Variants in RCC1L observed in about 807,000 individuals in gnomAD.
RCC1L encodes the protein RCC1 like, also known as RCC1-like G exchanging factor-like protein.
A neutral mutation model predicts 58.6 loss-of-function variants in RCC1L; 46 were observed. The ratio of observed to expected loss-of-function variants is 0.79; its 90% confidence interval spans 0.62 to 1.00. The LOEUF is 1.00. Ranked by LOEUF, RCC1L falls within the 50% of genes least tolerant of loss-of-function variation. RCC1L has a pLI of 0.00. For synonymous variants in RCC1L, 281 were observed against 262.9 expected (o/e 1.07, Z -0.67); for missense variants, 636 against 623.6 (o/e 1.02, Z -0.21).
At chr7:75,065,471 C>A (rs1429894892) in intron 3 of RCC1L, among the ~76,000 whole-genome samples, 1 of 152,104 alleles carries the variant, frequency 6.6e-6, no homozygotes, top group African/African-American at 2.4e-5. Context: ...AGGAGAATCA[C>A]CTGAACCCAG....
downstream of RCC1L, among the ~76,000 whole-genome samples, chr7:75,041,863 CAAAAAAAAAA>C (rs1201913828): frequency 3.3e-4 from 21 of 64,512 alleles, no homozygotes; most frequent in South Asian, 0.013. Flanking sequence ...GACTCTGTCT[CAAAAAAAAAA>C]AAAAAAAAAG....
chr7:75,043,706 T>C (rs1484535665), intron 10 of RCC1L, among the ~76,000 whole-genome samples: 1 of 152,050 alleles, frequency 6.6e-6, no homozygotes, highest in East Asian at 1.9e-4. Flanking sequence ...TCCCAGCTAC[T>C]CGGGAGGCTG....
chr7:75,068,320 C>A (rs1469060965), intron 2 of RCC1L, among the ~76,000 whole-genome samples: 458 of 114,320 alleles, frequency 4.0e-3, no homozygotes, highest in Middle Eastern at 5.3e-3. Flanking sequence ...AACTCTGACT[C>A]AAAAAAAAAA....
chr7:75,057,974 A>G, intron 7 of RCC1L: 7 of 340,536 alleles, frequency 2.1e-5, no homozygotes, highest in South Asian at 1.6e-4. Context: ...CCTGGCCAAC[A>G]TGGTGAAACC....
At chr7:75,039,500 T>A (rs1805499647), downstream of RCC1L, among the ~76,000 whole-genome samples, 1 of 152,204 alleles carries the variant, frequency 6.6e-6, no homozygotes, top group African/African-American at 2.4e-5. Context: ...GTGAAGGGTT[T>A]TCATGCCAGT....
At chr7:75,044,513 C>T (rs993174914) in intron 10 of RCC1L, among the ~76,000 whole-genome samples, 10 of 142,604 alleles carry the variant, frequency 7.0e-5, no homozygotes, top group South Asian at 4.7e-4. Context: ...GCAGGAGAAT[C>T]GCTTGAACCT....
chr7:75,035,298 T>A (rs1479567178), intron 10 of RCC1L, among the ~76,000 whole-genome samples: 3 of 152,160 alleles, frequency 2.0e-5, no homozygotes, highest in Admixed American at 1.3e-4. Flanking sequence ...CCCAAAGTAC[T>A]GGGATTACAG....
At chr7:75,031,315 C>T (rs1468653874) in intron 10 of RCC1L, among the ~76,000 whole-genome samples, 5 of 152,222 alleles carry the variant, frequency 3.3e-5, no homozygotes, top group African/African-American at 7.2e-5. Context: ...GCAGCAGCGG[C>T]GTTCCATCGC....
chr7:75,044,641 C>A (rs1413128532), intron 10 of RCC1L, among the ~76,000 whole-genome samples: 1 of 150,818 alleles, frequency 6.6e-6, no homozygotes, highest in Non-Finnish European at 1.5e-5. Flanking sequence ...ATTACCACAC[C>A]TATCACCAGC....
chr7:75,066,545 C>A, intron 3 of RCC1L, 119 bp downstream of exon 3: 4 of 1,387,448 alleles, frequency 2.9e-6, no homozygotes, highest in Non-Finnish European at 4.0e-6. Flanking sequence ...CAGGAAATAC[C>A]ACATTTCACT....
chr7:75,050,738 A>G (rs1805879006), intron 10 of RCC1L, among the ~76,000 whole-genome samples: 1 of 152,150 alleles, frequency 6.6e-6, no homozygotes, highest in Non-Finnish European at 1.5e-5. Flanking sequence ...CAGGCTCAGG[A>G]GAAAGCCGGC....
At position 75,043,252 on chromosome 7, in the gene RCC1L, G is replaced by GCAGGAGACAGC. The variant is rs1805620342; in HGVS notation, c.1318-144_1318-143insGCTGTCTCCTG. 1.1e-4 allele frequency: 110 copies of GCAGGAGACAGC among 977,086 alleles called. No individual in the cohort carries two copies. The African/African-American group carries it at 1.5e-3, about 13-fold the overall frequency. The allele number at this position is 977,086 out of a possible 1,614,324, so 60.5% of individuals were successfully genotyped here. ...TCTCAGCAGGAGACAGCTTGTCTCA[G>GCAGGAGACAGC]TAGGAGACAGCTTCTCTGAGCCTCG... On this transcript the variant is annotated intron_variant, in intron 10 of 10. Transcript: ENST00000610322.
At chr7:75,066,045 C>T (rs1163944453) in intron 3 of RCC1L, among the ~76,000 whole-genome samples, 1 of 149,894 alleles carries the variant, frequency 6.7e-6, no homozygotes, top group African/African-American at 2.5e-5. Flanking sequence ...AAAGCCACGT[C>T]TACACACCAC....
chr7:75,038,066 A>C (rs1805467122), downstream of RCC1L, among the ~76,000 whole-genome samples: 1 of 152,182 alleles, frequency 6.6e-6, no homozygotes, highest in Non-Finnish European at 1.5e-5. Context: ...GGAGGCAGGG[A>C]CAGGTGCCTG....
chr7:75,054,263 A>G (rs2131990169), intron 9 of RCC1L, among the ~76,000 whole-genome samples: 1 of 152,294 alleles, frequency 6.6e-6, no homozygotes, highest in Non-Finnish European at 1.5e-5. Context: ...AGCAGACCAC[A>G]GGATAAACCA....
At chr7:75,046,989 G>C (rs908467543) in intron 10 of RCC1L, among the ~76,000 whole-genome samples, 19 of 151,812 alleles carry the variant, frequency 1.3e-4, no homozygotes, top group Non-Finnish European at 2.5e-4. Flanking sequence ...ACGGAGTCTC[G>C]CTCTGTCACC....
At chr7:75,035,189 C>A (rs1482774399) in intron 10 of RCC1L, among the ~76,000 whole-genome samples, 1 of 152,160 alleles carries the variant, frequency 6.6e-6, no homozygotes, top group Non-Finnish European at 1.5e-5. Context: ...CACTGCCACA[C>A]CCAGCTAATT....
chr7:75,029,738 G>A (rs1805249279), intron 10 of RCC1L, among the ~76,000 whole-genome samples: 1 of 152,218 alleles, frequency 6.6e-6, no homozygotes. Context: ...AGCAGGGCCT[G>A]GAGCATTGGA....
At chr7:75,038,174 G>C (rs937703591), downstream of RCC1L, among the ~76,000 whole-genome samples, 4 of 152,330 alleles carry the variant, frequency 2.6e-5, no homozygotes, top group Admixed American at 6.5e-5. Flanking sequence ...CTCTGAAAGG[G>C]TCTGTCCCAT....
Sources: allele counts gnomAD v4.1 joint callset (sites outside exome capture counted in the v4.1 genomes callset), GRCh38; gene constraint gnomAD v4.1.1; transcripts MANE v1.5; gene names NCBI Gene and HGNC (gene_info 2026-07-23, HGNC 2026-07-21).